The following NREP variants were observed in gnomAD, a reference collection of about 807,000 sequenced individuals.
NREP encodes neuronal regeneration related protein, also known as neuronal regeneration-related protein.
NREP carries 5 observed loss-of-function variants against 8.6 expected under a neutral mutation model. The ratio of observed to expected loss-of-function variants is 0.58; its 90% confidence interval spans 0.30 to 1.22. The LOEUF (loss-of-function observed/expected upper bound fraction) is 1.22. NREP is among the 50% of genes most tolerant of loss of function. NREP has a pLI of 0.07. For synonymous variants in NREP, 27 were observed against 28.0 expected (o/e 0.96, Z 0.11); for missense variants, 86 against 82.5 (o/e 1.04, Z -0.17).
intron 2 of NREP, among the ~76,000 whole-genome samples, chr5:111,870,420 A>T (rs1462967567): frequency 2.0e-5 from 3 of 152,192 alleles, no homozygotes; most frequent in African/African-American, 7.2e-5. Flanking sequence ...AAAGAGCAAG[A>T]TTCTGACTCA....
chr5:111,769,623 T>C (rs796165325), intron 2 of NREP, among the ~76,000 whole-genome samples: 1 of 152,168 alleles, frequency 6.6e-6, no homozygotes. Context: ...CAGGTTTAAT[T>C]GGCAAACAGT....
At chr5:111,752,971 T>G (rs1436252798) in intron 2 of NREP, among the ~76,000 whole-genome samples, 1 of 152,124 alleles carries the variant, frequency 6.6e-6, no homozygotes, top group Non-Finnish European at 1.5e-5. Flanking sequence ...ATAGATCTCA[T>G]GTAAAATACA....
chr5:111,947,915 C>T (rs1240193583), intron 2 of NREP, among the ~76,000 whole-genome samples: 2 of 151,994 alleles, frequency 1.3e-5, no homozygotes, highest in African/African-American at 2.4e-5. Flanking sequence ...CTTCTCTGCC[C>T]CATTTACTAC....
chr5:111,845,240 T>C (rs2112953938), intron 2 of NREP, among the ~76,000 whole-genome samples: 1 of 151,782 alleles, frequency 6.6e-6, no homozygotes, highest in South Asian at 2.1e-4. Context: ...ATAACAAACG[T>C]AATGTGAAAC....
intron 2 of NREP, among the ~76,000 whole-genome samples, chr5:111,747,058 C>T (rs1212747603): frequency 6.6e-6 from 1 of 152,080 alleles, no homozygotes; most frequent in African/African-American, 2.4e-5. Flanking sequence ...CATCATGGTC[C>T]CAATGAGCCT....
chr5:111,777,017 A>T (rs1424605132), intron 2 of NREP, among the ~76,000 whole-genome samples: 3 of 146,432 alleles, frequency 2.0e-5, no homozygotes, highest in Non-Finnish European at 4.5e-5. Flanking sequence ...AAGGAGGTGG[A>T]GGAGGAGGAG....
chr5:111,808,192 C>T (rs1011158552), intron 2 of NREP, among the ~76,000 whole-genome samples: 3 of 152,206 alleles, frequency 2.0e-5, no homozygotes, highest in Non-Finnish European at 4.4e-5. Context: ...GTGTAGGCTT[C>T]TCCTCCAATG....
intron 2 of NREP, among the ~76,000 whole-genome samples, chr5:111,860,463 CT>C (rs1753520798): frequency 6.6e-6 from 1 of 152,126 alleles, no homozygotes; most frequent in African/African-American, 2.4e-5. Flanking sequence ...TCCATTTGCA[CT>C]TTATCCATTC....
chr5:111,922,252 G>T (rs1360148735), intron 2 of NREP, among the ~76,000 whole-genome samples: 2 of 152,016 alleles, frequency 1.3e-5, no homozygotes, highest in East Asian at 3.9e-4. Context: ...GAGGACTGGG[G>T]TCTCCAGGCA....
At chr5:111,757,478 G>C (rs1057325656), upstream of NREP, 2 of 985,062 alleles carry the variant, frequency 2.0e-6, no homozygotes, top group Admixed American at 6.2e-5. Flanking sequence ...AGTGAACAAT[G>C]AGCTAATTCT....
intron 2 of NREP, among the ~76,000 whole-genome samples, chr5:111,827,090 A>C (rs1404805721): frequency 1.3e-5 from 2 of 152,204 alleles, no homozygotes; most frequent in Non-Finnish European, 2.9e-5. Context: ...TATTTTCTTA[A>C]ACACTAATTT....
In NREP at chr5:111,842,847, A is replaced by T. The variant is rs867353461; in HGVS notation, c.136-107340T>A. 1.2e-4 allele frequency among the ~76,000 whole-genome samples: 19 copies of T among 152,246 alleles called. No homozygotes were observed. In the Middle Eastern group the frequency reaches 0.024, roughly 191 times the overall value. On this transcript the variant is annotated intron_variant, in intron 2 of 3. Coordinates refer to the NREP transcript ENST00000395634. ...CTGAAGAACAAGTTTGTTGGGTGAG[A>T]TATTCCTGATTGAGTTTTCCTCTTT...
intron 2 of NREP, among the ~76,000 whole-genome samples, chr5:111,886,811 G>A (rs771162246): frequency 4.6e-5 from 7 of 151,630 alleles, no homozygotes; most frequent in Non-Finnish European, 1.0e-4. Flanking sequence ...ATCACACTCT[G>A]GGGACTGTTG....
chr5:111,966,822 T>C (rs1756655582), intron 2 of NREP, among the ~76,000 whole-genome samples: 1 of 152,206 alleles, frequency 6.6e-6, no homozygotes, highest in Non-Finnish European at 1.5e-5. Context: ...TTCCAATCTG[T>C]TTTTTGTCCA....
chr5:111,958,204 C>T (rs908589898), intron 2 of NREP, among the ~76,000 whole-genome samples: 1 of 151,688 alleles, frequency 6.6e-6, no homozygotes, highest in Non-Finnish European at 1.5e-5. Context: ...TGTTTTATAT[C>T]TATACTCTTA....
intron 2 of NREP, among the ~76,000 whole-genome samples, chr5:111,950,960 C>T (rs1205988555): frequency 6.6e-6 from 1 of 152,044 alleles, no homozygotes; most frequent in Non-Finnish European, 1.5e-5. Context: ...TCCTATTTGC[C>T]CTTCCCTGAG....
chr5:111,870,206 G>C (rs887557979), intron 2 of NREP, among the ~76,000 whole-genome samples: 1 of 152,190 alleles, frequency 6.6e-6, no homozygotes, highest in Non-Finnish European at 1.5e-5. Flanking sequence ...GAGGCAGGCA[G>C]ATCCCTTGAG....
intron 2 of NREP, among the ~76,000 whole-genome samples, chr5:111,831,593 C>T (rs1413231517): frequency 6.6e-6 from 1 of 152,164 alleles, no homozygotes; most frequent in Non-Finnish European, 1.5e-5. Flanking sequence ...ACTCTTTCCT[C>T]CCACCGGTTC....
chr5:111,813,339 A>C (rs559946655), intron 2 of NREP, among the ~76,000 whole-genome samples: 2 of 152,254 alleles, frequency 1.3e-5, no homozygotes, highest in East Asian at 1.9e-4. Flanking sequence ...AATCTTAATA[A>C]CACTTATAAT....
Sources: allele counts gnomAD v4.1 joint callset (sites outside exome capture counted in the v4.1 genomes callset), GRCh38; gene constraint gnomAD v4.1.1; transcripts MANE v1.5; gene names NCBI Gene and HGNC (gene_info 2026-07-23, HGNC 2026-07-21).